NBEA: variants seen among roughly 807,000 people sequenced by gnomAD.
NBEA encodes lysosomal-trafficking regulator 2.
A neutral mutation model predicts 343.4 loss-of-function variants in NBEA; 44 were observed. The observed-to-expected ratio is 0.13, with a 90% CI of 0.10 to 0.16. The LOEUF is 0.16. Ranked by LOEUF, NBEA falls within the 10% of genes least tolerant of loss-of-function variation. NBEA has a pLI of 1.00. For missense variants in NBEA, 2,555 were observed against 3,631.3 expected (o/e 0.70, Z 7.62); for synonymous variants, 1,175 against 1,238.7 (o/e 0.95, Z 1.08).
intron 6 of NBEA, among the ~76,000 whole-genome samples, chr13:35,052,086 A>T (rs1284351786): frequency 6.6e-6 from 1 of 152,054 alleles, no homozygotes. Flanking sequence ...AGGGCCAGAG[A>T]GTGATGTGGA....
chr13:35,524,222 C>T (rs975478867), intron 41 of NBEA, among the ~76,000 whole-genome samples: 1 of 152,206 alleles, frequency 6.6e-6, no homozygotes, highest in Non-Finnish European at 1.5e-5. Flanking sequence ...TAAGGAAGAG[C>T]TGTGCTACAG....
chr13:35,637,595 A>C (rs938890144), intron 49 of NBEA, among the ~76,000 whole-genome samples: 1 of 152,096 alleles, frequency 6.6e-6, no homozygotes. Flanking sequence ...AGGCTGAGGC[A>C]GGCGGATCAC....
At chr13:35,483,542 G>T (rs1031514880) in intron 41 of NBEA, among the ~76,000 whole-genome samples, 1 of 151,866 alleles carries the variant, frequency 6.6e-6, no homozygotes, top group Non-Finnish European at 1.5e-5. Context: ...AATGTAGATG[G>T]TTACAAATAC....
At chr13:35,031,410 A>G (rs1336954421) in intron 1 of NBEA, among the ~76,000 whole-genome samples, 1 of 151,718 alleles carries the variant, frequency 6.6e-6, no homozygotes, top group South Asian at 2.1e-4. Flanking sequence ...TGTATGATCC[A>G]TAATAAATTT....
chr13:34,998,023 G>A (rs1193047402), intron 1 of NBEA, among the ~76,000 whole-genome samples: 9 of 152,026 alleles, frequency 5.9e-5, no homozygotes, highest in East Asian at 3.9e-4. Context: ...ATTCACCCCC[G>A]ATATTTCACA....
intron 1 of NBEA, among the ~76,000 whole-genome samples, chr13:35,010,738 A>AG (rs2061459306): frequency 3.1e-5 from 1 of 32,068 alleles, no homozygotes. Flanking sequence ...AAAAAAAAAA[A>AG]AAAATATATA....
intron 5 of NBEA, 39 bp downstream of exon 5, chr13:35,048,723 G>A: frequency 9.0e-7 from 1 of 1,107,316 alleles, no homozygotes; most frequent in Non-Finnish European, 1.3e-6. Flanking sequence ...TTTTCTTTAA[G>A]TACTTGAATT....
intron 38 of NBEA, among the ~76,000 whole-genome samples, chr13:35,401,617 G>A (rs1412262606): frequency 6.6e-6 from 1 of 151,988 alleles, no homozygotes; most frequent in African/African-American, 2.4e-5. Context: ...ATCTGTAAGA[G>A]AAAATCTTCT....
At chr13:35,587,957 A>G (rs1475746457) in intron 46 of NBEA, among the ~76,000 whole-genome samples, 3 of 152,138 alleles carry the variant, frequency 2.0e-5, no homozygotes, top group South Asian at 4.2e-4. Context: ...TTTATAAGTA[A>G]AAAAAGAAAC....
In NBEA at chr13:35,159,315, A is replaced by G; in HGVS notation, c.3144A>G (p.Val1048=). 1 of 1,613,638 alleles carries G rather than the reference A, an allele frequency of 6.2e-7. No individual in the cohort carries two copies. Among genetic ancestry groups the G allele is most frequent in the Non-Finnish European group, 8.5e-7 (1 of 1,179,698 alleles). The change falls in exon 22 of 59, where the codon GTA becomes GTG. Residue 1048 remains valine, a synonymous_variant. Transcript: ENST00000379939. ...LGNSDRPGSG[V]HVEVHDLLVD... ...ATTCAGATAGACCAGGAAGTGGTGT[A>G]CATGTGGAAGTACATGATCTTTTAG...
intron 1 of NBEA, among the ~76,000 whole-genome samples, chr13:34,949,292 C>T (rs1327434459): frequency 6.6e-6 from 1 of 152,182 alleles, no homozygotes. Flanking sequence ...GAGACTGAAA[C>T]TTAAAAGCTG....
intron 53 of NBEA, among the ~76,000 whole-genome samples, 185 bp from the exon 54 acceptor site, chr13:35,654,670 G>A (rs1191843755): frequency 8.5e-5 from 13 of 152,108 alleles, no homozygotes; most frequent in Admixed American, 7.9e-4. Context: ...AATACATAAT[G>A]TGGTTCATAA....
intron 40 of NBEA, among the ~76,000 whole-genome samples, chr13:35,466,056 A>C (rs1370411243): frequency 1.3e-5 from 2 of 152,170 alleles, no homozygotes; most frequent in African/African-American, 4.8e-5. Flanking sequence ...AGTTGCTCAT[A>C]TAAGAGGGCT....
chr13:35,002,710 C>T (rs1001122139), intron 1 of NBEA, among the ~76,000 whole-genome samples: 1 of 152,158 alleles, frequency 6.6e-6, no homozygotes, highest in African/African-American at 2.4e-5. Flanking sequence ...CCATTACAAT[C>T]AACACATCTT....
In NBEA at chr13:35,294,658, T is replaced by C. The variant is rs138916590; in HGVS notation, c.5838+4208T>C. Reference sequence around the variant, plus strand: ...GTTCCATTTCTCATGTTTAGTGTTATCTATGAAACTTGCCAGTTTTGCTGC... The same window carrying C: ...GTTCCATTTCTCATGTTTAGTGTTACCTATGAAACTTGCCAGTTTTGCTGC... On this transcript the variant is annotated intron_variant, in intron 35 of 58. Transcript: ENST00000379939. Among the ~76,000 whole-genome samples, 185 of 152,296 alleles carry C rather than the reference T, an allele frequency of 1.2e-3. 1 individual carries two copies. Among genetic ancestry groups the C allele is most frequent in the Middle Eastern group, 0.01 (3 of 294 alleles).
chr13:35,148,331 C>G (rs2068564835), intron 18 of NBEA, among the ~76,000 whole-genome samples: 1 of 152,086 alleles, frequency 6.6e-6, no homozygotes, highest in South Asian at 2.1e-4. Context: ...TAAGTAAAGT[C>G]CATTGGTCAC....
chr13:35,639,037 C>CT (rs1227605211), intron 49 of NBEA, among the ~76,000 whole-genome samples: 4 of 152,152 alleles, frequency 2.6e-5, no homozygotes, highest in African/African-American at 9.7e-5. Flanking sequence ...CAAATATTGT[C>CT]TAAGTGCATC....
chr13:35,376,852 G>T (rs2041768366), intron 38 of NBEA, among the ~76,000 whole-genome samples: 1 of 152,140 alleles, frequency 6.6e-6, no homozygotes, highest in Non-Finnish European at 1.5e-5. Context: ...GTTTCTGTAA[G>T]CCTGCCTCCG....
Position 35,568,736 on chromosome 13 carries a change from C to A in NBEA, c.7035+1719C>A, listed in dbSNP as rs1944672673. Among the ~76,000 whole-genome samples the A allele has an allele frequency of 2.0e-5, 3 of 152,234 alleles. No homozygotes were observed. In the South Asian group the frequency reaches 6.2e-4, roughly 32 times the overall value. On this transcript the variant is annotated intron_variant, in intron 45 of 58. Coordinates refer to ENST00000379939, the MANE Select transcript of NBEA (RefSeq NM_001385012.1). ...CATTATATACTTACCAGTTGAGCAT[C>A]CCTAATCTGAAAACCCAAAATCCAA... is the stretch of plus-strand genomic sequence containing the variant.
Sources: allele counts gnomAD v4.1 joint callset (sites outside exome capture counted in the v4.1 genomes callset), GRCh38; gene constraint gnomAD v4.1.1; transcripts MANE v1.5; gene names NCBI Gene and HGNC (gene_info 2026-07-23, HGNC 2026-07-21).